Variants in SUPT3H observed in about 807,000 individuals in gnomAD.
SUPT3H encodes the protein transcription initiation protein SPT3 homolog.
In SUPT3H, 44 loss-of-function variants were observed where a neutral mutation model predicts 44.3. The ratio of observed to expected loss-of-function variants is 0.99; its 90% CI spans 0.78 to 1.28. The LOEUF (loss-of-function observed/expected upper bound fraction) is 1.28, where lower values mean the gene tolerates loss of function less well. Ranked by LOEUF, SUPT3H falls within the 50% of genes most tolerant of loss-of-function variation. SUPT3H has a pLI of 0.00. For missense variants in SUPT3H, 380 were observed against 387.1 expected (o/e 0.98, Z 0.15); for synonymous variants, 124 against 125.6 (o/e 0.99, Z 0.09).
At chr6:45,178,951 C>G (rs1328136491) in intron 2 of SUPT3H, among the ~76,000 whole-genome samples, 1 of 151,524 alleles carries the variant, frequency 6.6e-6, no homozygotes, top group Non-Finnish European at 1.5e-5. Flanking sequence ...TAAATGCCCA[C>G]AAGAGAAAGC....
chr6:45,255,940 G>A (rs1773308094), intron 2 of SUPT3H, among the ~76,000 whole-genome samples: 1 of 152,174 alleles, frequency 6.6e-6, no homozygotes, highest in Non-Finnish European at 1.5e-5. Flanking sequence ...GGGAGGCCGA[G>A]GCGGGAAGAT....
intron 2 of SUPT3H, among the ~76,000 whole-genome samples, chr6:45,287,476 T>C (rs1267710709): frequency 3.3e-5 from 5 of 152,138 alleles, no homozygotes; most frequent in Admixed American, 2.0e-4. Flanking sequence ...ACCATGAAGG[T>C]TGTTTAGTGA....
chr6:45,211,519 C>A (rs114339228), intron 2 of SUPT3H, among the ~76,000 whole-genome samples: 1 of 152,100 alleles, frequency 6.6e-6, no homozygotes, highest in Non-Finnish European at 1.5e-5. Context: ...ACATCTCCTT[C>A]GGTATTTGTC....
At position 45,117,788 on chromosome 6, in the gene SUPT3H, T is replaced by C. The variant is rs145742870; in HGVS notation, c.102-11782A>G. On this transcript the variant is annotated intron_variant, in intron 2 of 10. Transcript: ENST00000371459. ...AACACATAATATATTCCAGTTGTAC[T>C]ACATAATATATTCCATTAGTTTCTT... Among the ~76,000 whole-genome samples, 566 of 152,258 alleles carry C rather than the reference T, an allele frequency of 3.7e-3. 5 individuals are homozygous for C. Among genetic ancestry groups the C allele is most frequent in the African/African-American group, 0.013 (525 of 41,586 alleles).
At chr6:44,999,040 A>G (rs1296209595) in intron 6 of SUPT3H, among the ~76,000 whole-genome samples, 1 of 151,742 alleles carries the variant, frequency 6.6e-6, no homozygotes, top group Admixed American at 6.6e-5. Context: ...TTCCCTTTTT[A>G]ATTTTCAATC....
intron 10 of SUPT3H, among the ~76,000 whole-genome samples, chr6:44,865,100 C>A (rs1775300245): frequency 6.6e-6 from 1 of 152,196 alleles, no homozygotes; most frequent in Non-Finnish European, 1.5e-5. Flanking sequence ...AGGGCAGGGG[C>A]AAAATGCTGC....
At chr6:44,897,991 CA>C (rs1764362650) in intron 10 of SUPT3H, among the ~76,000 whole-genome samples, 2 of 152,014 alleles carry the variant, frequency 1.3e-5, no homozygotes, top group African/African-American at 2.4e-5. Context: ...CCATTCCATC[CA>C]AAAAAACTTA....
At chr6:45,161,571 C>G (rs771769222) in intron 2 of SUPT3H, among the ~76,000 whole-genome samples, 5 of 152,026 alleles carry the variant, frequency 3.3e-5, no homozygotes, top group Non-Finnish European at 7.4e-5. Flanking sequence ...TTGGAAGTAC[C>G]ATTACTGCTA....
intron 3 of SUPT3H, among the ~76,000 whole-genome samples, chr6:45,082,225 A>G (rs77066669): frequency 0.017 from 2,662 of 152,192 alleles, 52 homozygotes; most frequent in South Asian, 0.084. Context: ...CAAAGAGTTG[A>G]TATCAATTCT....
At chr6:45,192,230 T>C (rs779733245) in intron 2 of SUPT3H, among the ~76,000 whole-genome samples, 1 of 152,134 alleles carries the variant, frequency 6.6e-6, no homozygotes, top group Non-Finnish European at 1.5e-5. Context: ...AGAAGTCAAG[T>C]TTCCCATGCT....
intron 10 of SUPT3H, among the ~76,000 whole-genome samples, chr6:44,895,441 T>G (rs1478480896): frequency 2.0e-5 from 3 of 152,114 alleles, no homozygotes; most frequent in Non-Finnish European, 4.4e-5. Context: ...AGATAATTAT[T>G]AAAGCTGATT....
At chr6:44,943,218 A>G (rs1772755383) in intron 9 of SUPT3H, among the ~76,000 whole-genome samples, 1 of 152,188 alleles carries the variant, frequency 6.6e-6, no homozygotes, top group Non-Finnish European at 1.5e-5. Flanking sequence ...TTAGAAGTAT[A>G]AAATGAAATA....
intron 2 of SUPT3H, among the ~76,000 whole-genome samples, chr6:45,151,777 T>C (rs1807006836): frequency 6.6e-6 from 1 of 152,170 alleles, no homozygotes; most frequent in Non-Finnish European, 1.5e-5. Context: ...TGTCTACCAA[T>C]AGGCTAGCTA....
intron 2 of SUPT3H, among the ~76,000 whole-genome samples, chr6:45,136,350 C>G (rs946743402): frequency 6.6e-6 from 1 of 151,852 alleles, no homozygotes; most frequent in East Asian, 1.9e-4. Flanking sequence ...ACAATAACCC[C>G]AAAGGAAGAA....
intron 9 of SUPT3H, among the ~76,000 whole-genome samples, chr6:44,933,433 A>G (rs1370447627): frequency 6.6e-6 from 1 of 152,194 alleles, no homozygotes; most frequent in East Asian, 1.9e-4. Context: ...AGATGTGTAT[A>G]TGTGTGTTCA....
chr6:45,190,748 A>AAG (rs1814993971), intron 2 of SUPT3H, among the ~76,000 whole-genome samples: 1 of 151,958 alleles, frequency 6.6e-6, no homozygotes, highest in South Asian at 2.1e-4. Context: ...AAGTAAGAAA[A>AAG]TAAGAATCTC....
At chr6:45,266,823 A>G (rs1775338465) in intron 2 of SUPT3H, among the ~76,000 whole-genome samples, 2 of 152,060 alleles carry the variant, frequency 1.3e-5, no homozygotes, top group African/African-American at 4.8e-5. Context: ...GGCATATTCA[A>G]TAAATGAGTA....
chr6:45,168,509 T>C (rs1362682069), intron 2 of SUPT3H, among the ~76,000 whole-genome samples: 1 of 152,198 alleles, frequency 6.6e-6, no homozygotes, highest in African/African-American at 2.4e-5. Flanking sequence ...CCTGAGGCTA[T>C]GTCACAGGTA....
At chr6:44,889,426 T>A (rs552905607) in intron 10 of SUPT3H, among the ~76,000 whole-genome samples, 2 of 151,432 alleles carry the variant, frequency 1.3e-5, no homozygotes, top group South Asian at 2.1e-4. Flanking sequence ...GAGATATACA[T>A]CAATGGAACA....
Sources: allele counts gnomAD v4.1 joint callset (sites outside exome capture counted in the v4.1 genomes callset), GRCh38; gene constraint gnomAD v4.1.1; transcripts MANE v1.5; gene names NCBI Gene and HGNC (gene_info 2026-07-23, HGNC 2026-07-21).